The following TMEM132D variants were observed in gnomAD, a reference collection of about 807,000 sequenced individuals.
TMEM132D encodes the protein transmembrane protein 132D, also known as mature OL transmembrane protein.
A neutral mutation model predicts 62.3 loss-of-function variants in TMEM132D; 21 were observed. The observed-to-expected ratio is 0.34, with a 90% CI of 0.24 to 0.49. The LOEUF (loss-of-function observed/expected upper bound fraction) is 0.49. TMEM132D is among the 20% of genes least tolerant of loss of function. The pLI, the probability that TMEM132D is intolerant of heterozygous loss-of-function variation, is 0.99. For synonymous variants in TMEM132D, 621 were observed against 575.6 expected, an observed-to-expected ratio of 1.08 and a Z score of -1.13; for missense variants, 1,346 against 1,402.8, an observed-to-expected ratio of 0.96 and a Z score of 0.65.
rs1159486826 is a variant in TMEM132D, at chr12:129,903,388, GA to G, written c.-50del. The G allele has an allele frequency of 6.5e-7, 1 of 1,537,426 alleles. No individual in the cohort carries two copies. Among genetic ancestry groups the G allele is most frequent in the Non-Finnish European group, 8.8e-7 (1 of 1,134,782 alleles). On this transcript the variant is annotated 5_prime_UTR_variant, in exon 1 of 9. Coordinates refer to ENST00000422113, the MANE Select transcript of TMEM132D (RefSeq NM_133448.3). The surrounding 1 kb of genome is among the most constrained non-coding windows in gnomAD (Gnocchi z 6.2). ...CTCCGCTCCCCGGCGCCGTCCAGGC[GA>G]ACAAGAGACCGTCTCAGTCCCCTAG...
At chr12:129,293,091 C>A (rs561807364) in intron 4 of TMEM132D, among the ~76,000 whole-genome samples, 1 of 152,288 alleles carries the variant, frequency 6.6e-6, no homozygotes, top group African/African-American at 2.4e-5. Context: ...TTGACAGAGA[C>A]TTGACTAGCC....
At chr12:129,413,465 G>T (rs1245221745) in intron 3 of TMEM132D, among the ~76,000 whole-genome samples, 1 of 152,138 alleles carries the variant, frequency 6.6e-6, no homozygotes, top group Non-Finnish European at 1.5e-5. Flanking sequence ...GTATGTCTTT[G>T]TCAGCAGTAT....
chr12:129,515,560 C>A (rs183848468), intron 3 of TMEM132D, among the ~76,000 whole-genome samples: 1 of 152,236 alleles, frequency 6.6e-6, no homozygotes, highest in African/African-American at 2.4e-5. Context: ...GCAGAAGCAG[C>A]AGCAAGAATG....
chr12:129,877,069 C>T (rs1310272836), intron 1 of TMEM132D, among the ~76,000 whole-genome samples: 1 of 151,944 alleles, frequency 6.6e-6, no homozygotes, highest in Non-Finnish European at 1.5e-5. Flanking sequence ...GACTATATTC[C>T]CTCCCCAGCC....
intron 1 of TMEM132D, among the ~76,000 whole-genome samples, chr12:129,824,663 C>T (rs1872618015): frequency 6.6e-6 from 1 of 152,212 alleles, no homozygotes; most frequent in Non-Finnish European, 1.5e-5. Flanking sequence ...AGGGACAGAG[C>T]CCTCACCAGA....
rs192866563 is a variant in TMEM132D at position 129,197,033 on chromosome 12, A to G, written c.1443+12487T>C. Among the ~76,000 whole-genome samples, 6 of 152,276 alleles carry G rather than the reference A, an allele frequency of 3.9e-5. No individual in the cohort carries two copies. In the East Asian group the frequency reaches 1.2e-3, roughly 29 times the overall value. On this transcript the variant is annotated intron_variant, in intron 5 of 8. Coordinates refer to ENST00000422113, the MANE Select transcript of TMEM132D (RefSeq NM_133448.3). ...ATGAGCAGAGATTGGCACTTTCTCTACAGAGGACTGGATGGTAAGTATTTT... is the reference window on the plus strand; with the variant it reads ...ATGAGCAGAGATTGGCACTTTCTCTGCAGAGGACTGGATGGTAAGTATTTT...
At chr12:129,488,085 G>A (rs549349975) in intron 3 of TMEM132D, among the ~76,000 whole-genome samples, 1 of 152,166 alleles carries the variant, frequency 6.6e-6, no homozygotes, top group South Asian at 2.1e-4. Flanking sequence ...GCACCCAGGT[G>A]CCATCTTGGA....
At chr12:129,859,014 C>T in intron 1 of TMEM132D, among the ~76,000 whole-genome samples, 1 of 135,178 alleles carries the variant, frequency 7.4e-6, no homozygotes, top group Non-Finnish European at 1.6e-5. Context: ...GGGATGGGTG[C>T]CCTAGTAACG....
chr12:129,859,379 C>T (rs937397857), intron 1 of TMEM132D, among the ~76,000 whole-genome samples: 1 of 152,180 alleles, frequency 6.6e-6, no homozygotes, highest in Non-Finnish European at 1.5e-5. Context: ...ATACTCGGCT[C>T]AAAATGATTA....
intron 5 of TMEM132D, among the ~76,000 whole-genome samples, chr12:129,157,960 T>C (rs56174941): frequency 0.082 from 12,441 of 152,108 alleles, 612 homozygotes; most frequent in Non-Finnish European, 0.11. Context: ...GATGGAGAGA[T>C]AGAATTTGTC....
chr12:129,229,205 T>G (rs373964213), intron 4 of TMEM132D, among the ~76,000 whole-genome samples: 3 of 152,324 alleles, frequency 2.0e-5, no homozygotes, highest in African/African-American at 7.2e-5. Flanking sequence ...TGTAACTTTT[T>G]AAAATAACAA....
At chr12:129,426,321 C>T (rs1872495412) in intron 3 of TMEM132D, among the ~76,000 whole-genome samples, 1 of 152,184 alleles carries the variant, frequency 6.6e-6, no homozygotes, top group Non-Finnish European at 1.5e-5. Context: ...ATCAGACAAG[C>T]AAAACCTCTC....
chr12:129,607,048 T>G (rs747473488), intron 2 of TMEM132D, among the ~76,000 whole-genome samples: 1 of 151,372 alleles, frequency 6.6e-6, no homozygotes, highest in Non-Finnish European at 1.5e-5. Context: ...CTGCTTAGTT[T>G]CTTTTTCTTT....
chr12:129,621,189 C>T (rs1358955606), intron 2 of TMEM132D, among the ~76,000 whole-genome samples: 1 of 151,988 alleles, frequency 6.6e-6, no homozygotes, highest in East Asian at 1.9e-4. Context: ...TAGAAGGCAC[C>T]AAGCACACTC....
intron 5 of TMEM132D, among the ~76,000 whole-genome samples, chr12:129,150,603 C>A (rs1877043987): frequency 6.6e-6 from 1 of 152,198 alleles, no homozygotes; most frequent in Non-Finnish European, 1.5e-5. Context: ...ACCCAGGTGA[C>A]CAGCAGGAGG....
At chr12:129,473,416 A>AC (rs1366576129) in intron 3 of TMEM132D, among the ~76,000 whole-genome samples, 1 of 124,196 alleles carries the variant, frequency 8.1e-6, no homozygotes, top group East Asian at 2.5e-4. Context: ...TGCAACCTCC[A>AC]CCTCCCAGGT....
intron 5 of TMEM132D, among the ~76,000 whole-genome samples, chr12:129,153,777 C>T (rs780143948): frequency 2.6e-5 from 4 of 152,052 alleles, no homozygotes; most frequent in Admixed American, 1.3e-4. Context: ...ATCAGGCGGA[C>T]GTGATTGCAA....
chr12:129,546,180 T>C (rs1324777010), intron 2 of TMEM132D, among the ~76,000 whole-genome samples: 2 of 152,200 alleles, frequency 1.3e-5, no homozygotes, highest in Non-Finnish European at 2.9e-5. Flanking sequence ...GATGCCCAGG[T>C]ACTCTGCCCT....
chr12:129,892,104 C>T (rs1214461270), intron 1 of TMEM132D, among the ~76,000 whole-genome samples: 1 of 152,186 alleles, frequency 6.6e-6, no homozygotes, highest in Non-Finnish European at 1.5e-5. Flanking sequence ...GGAGGCCTGT[C>T]TTAAATTCCC....
Sources: allele counts gnomAD v4.1 joint callset (sites outside exome capture counted in the v4.1 genomes callset), GRCh38; gene constraint gnomAD v4.1.1; non-coding constraint Gnocchi (gnomAD v3.1); transcripts MANE v1.5; gene names NCBI Gene and HGNC (gene_info 2026-07-23, HGNC 2026-07-21).